The following TPTE2 variants were observed in gnomAD, a reference collection of about 807,000 sequenced individuals.
TPTE2 encodes phosphatidylinositol 3,4,5-trisphosphate 3-phosphatase TPTE2.
A neutral mutation model predicts 78.6 loss-of-function variants in TPTE2; 53 were observed. That is an observed-to-expected ratio of 0.67 (90% CI 0.54 to 0.85). TPTE2 has a LOEUF of 0.85. Ranked by LOEUF, TPTE2 falls within the 40% of genes least tolerant of loss-of-function variation. The probability of loss-of-function intolerance (pLI) is 0.00; values close to 1 mark genes in which losing one functional copy is unlikely to be tolerated. For synonymous variants in TPTE2, 175 were observed against 206.2 expected (o/e 0.85, Z 1.30); for missense variants, 461 against 623.0 (o/e 0.74, Z 2.77).
chr13:19,465,787 G>A (rs1470978158), intron 7 of TPTE2, among the ~76,000 whole-genome samples: 1 of 152,086 alleles, frequency 6.6e-6, no homozygotes, highest in Non-Finnish European at 1.5e-5. Context: ...AGTGAATAGA[G>A]GCCAGGAATT....
rs533738721 is a variant in TPTE2, at chr13:19,436,261, T to C, written c.1081A>G (p.Ser361Gly). 8.0e-5 allele frequency: 129 copies of C among 1,613,456 alleles called. 1 individual carries two copies. In the East Asian group the frequency reaches 1.9e-3, roughly 24 times the overall value. ...GTTTCTACTCCCTGAAATTTATTGC[T>C]GTGGGTTTTATTGGTTCGCCTTTCT... Residue 361 changes from serine (S) to glycine (G), a missense_variant, in exon 15 of 20, where the codon AGC becomes GGC. Physicochemically the swap from Ser to Gly is moderately conservative, Grantham distance 56. Coordinates refer to ENST00000400230, the Ensembl canonical transcript of TPTE2.
At chr13:19,534,772 C>T (rs1427489850) in intron 1 of TPTE2, among the ~76,000 whole-genome samples, 1 of 152,090 alleles carries the variant, frequency 6.6e-6, no homozygotes, top group Admixed American at 6.6e-5. Context: ...AATTTGCATG[C>T]CATGTATAAA....
At chr13:19,426,449 A>G in exon 18 of TPTE2, 2 of 1,606,680 alleles carry the variant, frequency 1.2e-6, no homozygotes, top group South Asian at 2.2e-5. Context: ...GCACTTTCAC[A>G]TCATCATACA....
chr13:19,466,193 C>A (rs1879259611), intron 7 of TPTE2, among the ~76,000 whole-genome samples: 1 of 152,138 alleles, frequency 6.6e-6, no homozygotes, highest in Non-Finnish European at 1.5e-5. Context: ...TAAGAGCCAC[C>A]TGGAAAAGCT....
In TPTE2 at chr13:19,451,237, A is replaced by T. The variant is rs767445782; in HGVS notation, c.742-12T>A. On this transcript the variant is annotated splice_polypyrimidine_tract_variant and intron_variant, in intron 10 of 19. Transcript: ENST00000400230. ...AACCGCACAACTTCCTAAAAAAGAC[A>T]AACACATATCTTACATATTTACATG... 6.2e-7 allele frequency: 1 copy of T among 1,613,306 alleles called. No homozygotes were observed. The highest frequency in any genetic ancestry group is 1.1e-5 in the South Asian group (1 of 91,060).
intron 3 of TPTE2, among the ~76,000 whole-genome samples, chr13:19,485,937 T>C (rs1278331159): frequency 6.6e-6 from 1 of 152,216 alleles, no homozygotes; most frequent in African/African-American, 2.4e-5. Context: ...CCTGATTTCA[T>C]TGACTTGTCT....
chr13:19,540,671 A>G (rs188576824), upstream of TPTE2, among the ~76,000 whole-genome samples: 1 of 152,022 alleles, frequency 6.6e-6, no homozygotes, highest in East Asian at 1.9e-4. Context: ...CTTACTCAAA[A>G]TCTTCTTGCA....
At chr13:19,553,865 T>C in the TPTE2 span, among the ~76,000 whole-genome samples, 1 of 152,256 alleles carries the variant, frequency 6.6e-6, no homozygotes, top group Non-Finnish European at 1.5e-5. Flanking sequence ...ACTGGCAGTT[T>C]CATGGATGTA....
intron 15 of TPTE2, among the ~76,000 whole-genome samples, chr13:19,433,261 T>C (rs1016206496): frequency 6.6e-6 from 1 of 152,070 alleles, no homozygotes; most frequent in Non-Finnish European, 1.5e-5. Context: ...CCCAGCACTT[T>C]GGGAGGCCGA....
At chr13:19,537,603 GTTTT>G (rs1871285512), upstream of TPTE2, among the ~76,000 whole-genome samples, 3 of 147,754 alleles carry the variant, frequency 2.0e-5, no homozygotes, top group Admixed American at 6.8e-5. Flanking sequence ...GTGTTTTTTT[GTTTT>G]TTGTTTTTTT....
At chr13:19,530,886 G>A (rs1425949432) in intron 1 of TPTE2, among the ~76,000 whole-genome samples, 2 of 152,116 alleles carry the variant, frequency 1.3e-5, no homozygotes, top group Admixed American at 1.3e-4. Context: ...ATGTTTAAGT[G>A]TGCAATTCAG....
intron 10 of TPTE2, among the ~76,000 whole-genome samples, chr13:19,455,778 A>C (rs891525837): frequency 6.6e-6 from 1 of 152,260 alleles, no homozygotes; most frequent in African/African-American, 2.4e-5. Flanking sequence ...CATTAATGGA[A>C]TAACAGAAAA....
At chr13:19,560,287 G>C in the TPTE2 span, 1 of 1,039,864 alleles carries the variant, frequency 9.6e-7, no homozygotes, top group East Asian at 2.4e-5. Flanking sequence ...ATTGGCAAGG[G>C]CCAGGGCCTT....
At chr13:19,504,218 T>G (rs1868835052), upstream of TPTE2, among the ~76,000 whole-genome samples, 1 of 152,166 alleles carries the variant, frequency 6.6e-6, no homozygotes, top group African/African-American at 2.4e-5. Context: ...GTTTAGTTCT[T>G]TACAATTGAA....
At chr13:19,557,450 T>C in the TPTE2 span, among the ~76,000 whole-genome samples, 3 of 152,062 alleles carry the variant, frequency 2.0e-5, no homozygotes, top group Non-Finnish European at 4.4e-5. Flanking sequence ...CCTGAGAACA[T>C]GTCAAAGAAA....
chr13:19,432,897 A>C (rs1876777706), intron 15 of TPTE2, among the ~76,000 whole-genome samples: 1 of 152,140 alleles, frequency 6.6e-6, no homozygotes, highest in Non-Finnish European at 1.5e-5. Context: ...GTCCAGACAG[A>C]AGCTTAGTTG....
At chr13:19,532,335 T>G (rs139676276) in intron 1 of TPTE2, among the ~76,000 whole-genome samples, 281 of 152,312 alleles carry the variant, frequency 1.8e-3, no homozygotes, top group African/African-American at 6.4e-3. Context: ...GCTCCTATCT[T>G]GTGAATGGGA....
intron 1 of TPTE2, among the ~76,000 whole-genome samples, chr13:19,526,374 T>C (rs535149791): frequency 3.0e-4 from 46 of 151,858 alleles, no homozygotes; most frequent in Non-Finnish European, 5.6e-4. Flanking sequence ...AACAAGATCA[T>C]GTCCTTTGCA....
chr13:19,515,459 A>G (rs1869732593), intron 1 of TPTE2, among the ~76,000 whole-genome samples: 1 of 152,196 alleles, frequency 6.6e-6, no homozygotes, highest in Non-Finnish European at 1.5e-5. Context: ...ACAGATAGAC[A>G]TTAATATTGT....
Sources: allele counts gnomAD v4.1 joint callset (sites outside exome capture counted in the v4.1 genomes callset), GRCh38; gene constraint gnomAD v4.1.1; transcripts MANE v1.5; gene names NCBI Gene and HGNC (gene_info 2026-07-23, HGNC 2026-07-21).